The following VGLL3 variants were observed in gnomAD, a reference collection of about 807,000 sequenced individuals.
The protein encoded by VGLL3 is vestigial like family member 3.
Under a neutral mutation model 29.2 loss-of-function variants are expected in VGLL3, and 18 were observed. The observed-to-expected ratio is 0.62, with a 90% CI of 0.43 to 0.91. The LOEUF (loss-of-function observed/expected upper bound fraction) is 0.91, where lower values mean the gene tolerates loss of function less well. Among genes scored for constraint, VGLL3 ranks in the 40% least tolerant of loss-of-function variants. The probability of loss-of-function intolerance (pLI) is 0.00; values close to 1 mark genes in which losing one functional copy is unlikely to be tolerated. For synonymous variants in VGLL3, 180 were observed against 151.8 expected, an observed-to-expected ratio of 1.19 and a Z score of -1.36; for missense variants, 440 against 413.2, an observed-to-expected ratio of 1.06 and a Z score of -0.56.
intron 3 of VGLL3, among the ~76,000 whole-genome samples, chr3:86,952,986 T>C (rs1002648570): frequency 6.6e-6 from 1 of 152,170 alleles, no homozygotes; most frequent in African/African-American, 2.4e-5. Flanking sequence ...GAAGAATTTC[T>C]AAATAAGATC....
chr3:86,987,417 C>T (rs988143505), intron 1 of VGLL3, among the ~76,000 whole-genome samples: 2 of 152,154 alleles, frequency 1.3e-5, no homozygotes, highest in African/African-American at 4.8e-5. Flanking sequence ...AGTAAATATA[C>T]TCCATTTTAT....
At chr3:86,950,808 C>T (rs1703108242) in intron 3 of VGLL3, among the ~76,000 whole-genome samples, 1 of 152,154 alleles carries the variant, frequency 6.6e-6, no homozygotes, top group Admixed American at 6.5e-5. Context: ...AAATTAACCA[C>T]CACACCCCCT....
chr3:86,980,701 T>G (rs1705308321), intron 1 of VGLL3, among the ~76,000 whole-genome samples: 1 of 152,108 alleles, frequency 6.6e-6, no homozygotes, highest in Non-Finnish European at 1.5e-5. Flanking sequence ...AAAAATTAAA[T>G]GAATATTATG....
chr3:86,982,134 T>G (rs1347922410), intron 1 of VGLL3, among the ~76,000 whole-genome samples: 1 of 152,032 alleles, frequency 6.6e-6, no homozygotes, highest in African/African-American at 2.4e-5. Flanking sequence ...GTAAATCAAT[T>G]TATTGCTTTT....
At chr3:86,975,888 G>C (rs1162574757) in intron 2 of VGLL3, among the ~76,000 whole-genome samples, 1 of 152,130 alleles carries the variant, frequency 6.6e-6, no homozygotes, top group Admixed American at 6.6e-5. Flanking sequence ...GAGGCGGGCA[G>C]ATCACCTGAG....
At chr3:86,950,980 T>C (rs1016283218) in intron 3 of VGLL3, among the ~76,000 whole-genome samples, 1 of 152,102 alleles carries the variant, frequency 6.6e-6, no homozygotes, top group South Asian at 2.1e-4. Flanking sequence ...TGAGAGTCCT[T>C]AGACCCATTT....
At chr3:86,977,156 T>A (rs772790553) in intron 2 of VGLL3, among the ~76,000 whole-genome samples, 9 of 151,936 alleles carry the variant, frequency 5.9e-5, no homozygotes, top group Admixed American at 1.3e-4. Flanking sequence ...TTATAGTCAC[T>A]GTTTAGTGTT....
At chr3:86,950,586 C>T (rs1704595870) in intron 3 of VGLL3, among the ~76,000 whole-genome samples, 1 of 152,074 alleles carries the variant, frequency 6.6e-6, no homozygotes, top group African/African-American at 2.4e-5. Context: ...CTCCTTTTTG[C>T]ACTGCTTAGA....
chr3:86,958,717 A>G (rs1388803117), intron 3 of VGLL3, among the ~76,000 whole-genome samples: 1 of 152,242 alleles, frequency 6.6e-6, no homozygotes, highest in East Asian at 1.9e-4. Flanking sequence ...TCATCCAGTT[A>G]CTTTTCATGC....
chr3:86,945,164 AAG>A lies in VGLL3; in HGVS notation c.*1858_*1859del, dbSNP rs1704479881. 6.6e-6 allele frequency: 1 copy of A among 152,196 alleles called. No homozygotes were observed. The highest frequency in any genetic ancestry group is 6.5e-5 in the Admixed American group (1 of 15,268). The allele number at this position is 152,196 out of a possible 1,614,324, so 9.4% of individuals were successfully genotyped here. A position where few individuals can be genotyped will look rare whatever the true frequency, so the allele number is the denominator to read the frequency against. On this transcript the variant is annotated 3_prime_UTR_variant, in exon 4 of 4. Coordinates refer to ENST00000398399, the MANE Select transcript of VGLL3 (RefSeq NM_016206.4). ...TGGTAAAAATGTGCATATTGTGTAAAAGAGAGTCTAGGTAAGAAACAGCAAAG... is the reference window on the plus strand; with the variant it reads ...TGGTAAAAATGTGCATATTGTGTAAAAGAGTCTAGGTAAGAAACAGCAAAG...
rs1705257118 is a variant in VGLL3 at position 86,978,604 on chromosome 3, C to T, written c.325G>A (p.Ala109Thr). The part of the protein sequence containing the change: ...GSVVDEHFSR[A>T]LGQAITLHPE... ...TGGAGGGTGATGGCTTGGCCCAAAG[C>T]TCTTGAGAAGTGTTCATCCACTACT... Residue 109 changes from alanine (A) to threonine (T), a missense_variant, in exon 2 of 4, where the codon GCT (alanine) becomes ACT (threonine). Coordinates refer to ENST00000398399, the MANE Select transcript of VGLL3 (RefSeq NM_016206.4). The T allele has an allele frequency of 1.2e-6, 2 of 1,614,036 alleles. No homozygotes were observed. The highest frequency in any genetic ancestry group is 1.7e-5 in the Admixed American group (1 of 59,984).
chr3:86,967,361 C>A (rs570876975), intron 3 of VGLL3, among the ~76,000 whole-genome samples: 1 of 152,130 alleles, frequency 6.6e-6, no homozygotes, highest in Non-Finnish European at 1.5e-5. Flanking sequence ...CCATCACACA[C>A]GCATCTGCAG....
intron 3 of VGLL3, among the ~76,000 whole-genome samples, chr3:86,966,457 G>A (rs1034465677): frequency 2.2e-4 from 33 of 151,780 alleles, no homozygotes; most frequent in Non-Finnish European, 3.2e-4. Context: ...TTTATGAAAC[G>A]AATCTTGATT....
At chr3:86,954,586 G>A (rs1000042388) in intron 3 of VGLL3, among the ~76,000 whole-genome samples, 2 of 152,028 alleles carry the variant, frequency 1.3e-5, no homozygotes, top group Admixed American at 6.5e-5. Context: ...TGACCTTGTG[G>A]ACATATATAA....
At chr3:86,964,297 A>C (rs527283069) in intron 3 of VGLL3, among the ~76,000 whole-genome samples, 2 of 152,270 alleles carry the variant, frequency 1.3e-5, no homozygotes, top group African/African-American at 4.8e-5. Flanking sequence ...GCAAAGCATA[A>C]AATATTTTTA....
At chr3:86,954,622 G>GT (rs562711864) in intron 3 of VGLL3, among the ~76,000 whole-genome samples, 38 of 151,998 alleles carry the variant, frequency 2.5e-4, no homozygotes, top group African/African-American at 6.5e-4. Flanking sequence ...GAGTTAGGTA[G>GT]TTTTTTTTAT....
chr3:86,960,512 T>A (rs1704815592), intron 3 of VGLL3, among the ~76,000 whole-genome samples: 1 of 152,148 alleles, frequency 6.6e-6, no homozygotes, highest in African/African-American at 2.4e-5. Flanking sequence ...AGAGTAAAGT[T>A]TATTGCTATG....
intron 3 of VGLL3, among the ~76,000 whole-genome samples, chr3:86,956,430 G>A (rs1413161755): frequency 6.6e-6 from 1 of 152,178 alleles, no homozygotes; most frequent in East Asian, 1.9e-4. Flanking sequence ...GCTAGTTGAT[G>A]ACAACTCCTT....
chr3:86,961,988 G>T, intron 3 of VGLL3: 1 of 982,358 alleles, frequency 1.0e-6, no homozygotes, highest in Non-Finnish European at 1.2e-6. Context: ...GAGGTATATG[G>T]TAGGCAATGT....
Sources: allele counts gnomAD v4.1 joint callset (sites outside exome capture counted in the v4.1 genomes callset), GRCh38; gene constraint gnomAD v4.1.1; transcripts MANE v1.5; gene names NCBI Gene and HGNC (gene_info 2026-07-23, HGNC 2026-07-21).